ITCH: variants seen among roughly 807,000 people sequenced by gnomAD.
The protein encoded by ITCH is itchy E3 ubiquitin protein ligase, also known as E3 ubiquitin-protein ligase Itchy homolog.
A neutral mutation model predicts 126.8 loss-of-function variants in ITCH; 28 were observed. That is an observed-to-expected ratio of 0.22 (90% CI 0.16 to 0.30). The LOEUF (loss-of-function observed/expected upper bound fraction) is 0.30, where lower values mean the gene tolerates loss of function less well. Ranked by LOEUF, ITCH falls within the 10% of genes least tolerant of loss-of-function variation. The pLI is 1.00. For missense variants in ITCH, 631 were observed against 1,032.4 expected (o/e 0.61, Z 5.33); for synonymous variants, 342 against 340.0 (o/e 1.01, Z -0.06).
At chr20:34,429,554 A>G (rs367714630) in intron 7 of ITCH, among the ~76,000 whole-genome samples, 3 of 152,246 alleles carry the variant, frequency 2.0e-5, no homozygotes, top group South Asian at 2.1e-4. Flanking sequence ...TGAGAACACA[A>G]TGGTTAGACA....
At chr20:34,453,644 C>T (rs1045767734) in intron 12 of ITCH, among the ~76,000 whole-genome samples, 16 of 151,986 alleles carry the variant, frequency 1.1e-4, no homozygotes, top group African/African-American at 3.6e-4. Context: ...CAGCTATATA[C>T]TTAGGGTATT....
chr20:34,495,267 A>AAAAT lies in ITCH; in HGVS notation c.2416+2694_2416+2697dup, dbSNP rs71194612. Among the ~76,000 whole-genome samples, 638 of 140,728 alleles carry AAAAT rather than the reference A, an allele frequency of 4.5e-3. 1 individual carries two copies. The highest frequency in any genetic ancestry group is 6.2e-3 in the Non-Finnish European group (405 of 65,462). 92.3% of individuals were successfully genotyped at this position (140,728 alleles called of 152,430 possible). ...GCGACAAGAACAAAACTCCAACTCA[A>AAAAT]AAATAAATAAATAAATAAATAAATA... On this transcript the variant is annotated intron_variant, in intron 23 of 24. Coordinates refer to ENST00000374864, the MANE Select transcript of ITCH (RefSeq NM_031483.7).
At chr20:34,378,471 C>CAAAAAAA (rs35400213) in intron 2 of ITCH, among the ~76,000 whole-genome samples, 3 of 48,668 alleles carry the variant, frequency 6.2e-5, no homozygotes, top group Admixed American at 3.2e-4. Flanking sequence ...AACTCTGTCT[C>CAAAAAAA]AAAAAAAAAA....
intron 6 of ITCH, among the ~76,000 whole-genome samples, chr20:34,418,020 G>A (rs907904467): frequency 6.7e-6 from 1 of 148,688 alleles, no homozygotes; most frequent in African/African-American, 2.5e-5. Flanking sequence ...AGGGTGGAGT[G>A]CAATGGTGTC....
intron 10 of ITCH, among the ~76,000 whole-genome samples, chr20:34,442,756 G>A (rs942389055): frequency 5.9e-5 from 9 of 151,454 alleles, no homozygotes; most frequent in South Asian, 2.1e-4. Flanking sequence ...GGAGGATCAC[G>A]AGCTCAGGAG....
intron 2 of ITCH, among the ~76,000 whole-genome samples, chr20:34,384,568 C>T (rs972103411): frequency 2.0e-5 from 3 of 151,924 alleles, no homozygotes; most frequent in South Asian, 2.1e-4. Context: ...CTTGAGCCGC[C>T]GTGCCCAGCT....
Position 34,511,310 on chromosome 20 carries a change from T to G in ITCH, c.*3516T>G, listed in dbSNP as rs1187387703. 6.6e-6 allele frequency: 1 copy of G among 152,238 alleles called. No individual in the cohort carries two copies. Among genetic ancestry groups the G allele is most frequent in the Non-Finnish European group, 1.5e-5 (1 of 68,046 alleles). 9.4% of individuals were successfully genotyped at this position (152,238 alleles called of 1,614,324 possible). On this transcript the variant is annotated 3_prime_UTR_variant, in exon 25 of 25. Transcript: ENST00000374864. Reference sequence around the variant, plus strand: ...AATATTACAGGGAGTCAAATGCTTTTATAAAGTTCCTTCAGTGGTTGCCTC... The same window carrying G: ...AATATTACAGGGAGTCAAATGCTTTGATAAAGTTCCTTCAGTGGTTGCCTC...
intron 6 of ITCH, among the ~76,000 whole-genome samples, chr20:34,414,211 TC>T (rs1272606431): frequency 6.6e-6 from 1 of 152,024 alleles, no homozygotes; most frequent in African/African-American, 2.4e-5. Flanking sequence ...TTAAACATTT[TC>T]TTTTTAGTGT....
intron 11 of ITCH, 77 bp downstream of exon 11, chr20:34,445,538 C>A: frequency 6.8e-7 from 1 of 1,467,932 alleles, no homozygotes; most frequent in Non-Finnish European, 9.5e-7. Context: ...ATGGAAAGCA[C>A]TAAAAAGAAG....
At chr20:34,417,400 CTT>C (rs1285064114) in intron 6 of ITCH, among the ~76,000 whole-genome samples, 7 of 114,992 alleles carry the variant, frequency 6.1e-5, no homozygotes, top group South Asian at 2.9e-4. Flanking sequence ...GCCCGGCTGA[CTT>C]TTTTTTTTTT....
At chr20:34,400,255 A>T (rs958526777) in intron 3 of ITCH, among the ~76,000 whole-genome samples, 18 of 152,070 alleles carry the variant, frequency 1.2e-4, no homozygotes, top group African/African-American at 4.3e-4. Flanking sequence ...TTTTTTGTAG[A>T]AACAAGGTCT....
In ITCH at chr20:34,442,291, C is replaced by G. The variant is rs888291691; in HGVS notation, c.953C>G (p.Pro318Arg). ...AGAACAACATGGGATAGACCAGAAC[C>G]TCTACCTCCTGGGTAAGTATCTAAA... ...EKRTTWDRPE[P>R]LPPGWERRVD... The change falls in exon 10 of 25, where the codon CCT becomes CGT. Residue 318 changes from proline to arginine, a missense_variant. Around this residue, in one of 4 missense-constraint regions of ITCH, gnomAD observed 390 missense variants for 731.6 expected, o/e 0.53. Transcript: ENST00000374864. 23 of 1,606,536 alleles carry G rather than the reference C, an allele frequency of 1.4e-5. No individual in the cohort carries two copies. Among genetic ancestry groups the G allele is most frequent in the Non-Finnish European group, 1.9e-5 (22 of 1,173,238 alleles).
rs200016633 is a variant in ITCH, at chr20:34,387,489, G to A, written c.-21-6302G>A. ...CTATCTCCCTGTAAAAAATTAGATGGGCCTGTGGTATGTGGCTGTTAGTCT... is the reference window on the plus strand; with the variant it reads ...CTATCTCCCTGTAAAAAATTAGATGAGCCTGTGGTATGTGGCTGTTAGTCT... On this transcript the variant is annotated intron_variant, in intron 2 of 24. Transcript: ENST00000374864. 2.6e-4 allele frequency among the ~76,000 whole-genome samples: 39 copies of A among 151,826 alleles called. No individual in the cohort carries two copies. In the East Asian group the frequency reaches 5.1e-3, roughly 20 times the overall value.
chr20:34,455,629 AT>A (rs71194608), intron 12 of ITCH, among the ~76,000 whole-genome samples: 65,476 of 144,750 alleles, frequency 0.45, 14,773 homozygotes, highest in Middle Eastern at 0.51. Flanking sequence ...TGCCTGGCTA[AT>A]TTTTTTTTTT....
chr20:34,387,617 C>T (rs1406315924), intron 2 of ITCH, among the ~76,000 whole-genome samples: 1 of 144,650 alleles, frequency 6.9e-6, no homozygotes, highest in African/African-American at 2.6e-5. Context: ...GAGACCCTGT[C>T]TCAAAAAAAA....
chr20:34,365,955 G>A (rs1184432729), intron 1 of ITCH, among the ~76,000 whole-genome samples: 2 of 152,174 alleles, frequency 1.3e-5, no homozygotes. Context: ...AGGTCAAAAA[G>A]CTTTGAGACG....
intron 7 of ITCH, among the ~76,000 whole-genome samples, chr20:34,438,209 A>G (rs1983268801): frequency 6.6e-6 from 1 of 152,240 alleles, no homozygotes; most frequent in African/African-American, 2.4e-5. Context: ...AATATGAACC[A>G]GCATACCTAA....
Position 34,404,280 on chromosome 20 carries a change from A to G in ITCH, c.71-4371A>G, listed in dbSNP as rs1601819357. 3.3e-5 allele frequency among the ~76,000 whole-genome samples: 5 copies of G among 152,024 alleles called. No individual in the cohort carries two copies. In the South Asian group the frequency reaches 1.0e-3, roughly 31 times the overall value. On this transcript the variant is annotated intron_variant, in intron 3 of 24. Transcript: ENST00000374864. Reference sequence around the variant, plus strand: ...AAAGTAGTACATTGATTTATTTTATATTTGTAATATTATGACTATAACACA... The same window carrying G: ...AAAGTAGTACATTGATTTATTTTATGTTTGTAATATTATGACTATAACACA...
intron 20 of ITCH, among the ~76,000 whole-genome samples, chr20:34,486,333 T>G (rs1255843876): frequency 6.6e-6 from 1 of 151,792 alleles, no homozygotes; most frequent in Non-Finnish European, 1.5e-5. Context: ...ACCTTTTTTT[T>G]TTTTTCCCCC....
Sources: allele counts gnomAD v4.1 joint callset (sites outside exome capture counted in the v4.1 genomes callset), GRCh38; gene constraint gnomAD v4.1.1; regional missense constraint gnomAD v4.1.1; transcripts MANE v1.5; gene names NCBI Gene and HGNC (gene_info 2026-07-23, HGNC 2026-07-21).